Variants in NREP observed in about 807,000 individuals in gnomAD.
The protein encoded by NREP is neuronal regeneration related protein.
Under a neutral mutation model 8.6 loss-of-function variants are expected in NREP, and 5 were observed. The observed-to-expected ratio is 0.58, with a 90% CI of 0.30 to 1.22. The LOEUF (loss-of-function observed/expected upper bound fraction) is 1.22. Among genes scored for constraint, NREP ranks in the 50% most tolerant of loss-of-function variants. The pLI is 0.07. For missense variants in NREP, 86 were observed against 82.5 expected (o/e 1.04, Z -0.17); for synonymous variants, 27 against 28.0 (o/e 0.96, Z 0.11).
At chr5:111,796,119 A>G (rs1464763452) in intron 2 of NREP, among the ~76,000 whole-genome samples, 1 of 152,206 alleles carries the variant, frequency 6.6e-6, no homozygotes, top group African/African-American at 2.4e-5. Flanking sequence ...GCTCTATGGA[A>G]GAGCCTTTTT....
intron 2 of NREP, among the ~76,000 whole-genome samples, chr5:111,763,872 C>T (rs925909456): frequency 6.6e-6 from 1 of 152,088 alleles, no homozygotes; most frequent in African/African-American, 2.4e-5. Context: ...TTGAATTTTA[C>T]AATTATAAAT....
intron 2 of NREP, among the ~76,000 whole-genome samples, chr5:111,769,031 T>C (rs1169908954): frequency 6.6e-6 from 1 of 152,214 alleles, no homozygotes; most frequent in Middle Eastern, 3.2e-3. Flanking sequence ...TCTGTTGTTT[T>C]TTTTGACTTT....
At chr5:111,885,827 T>C (rs556002409) in intron 2 of NREP, among the ~76,000 whole-genome samples, 1 of 152,270 alleles carries the variant, frequency 6.6e-6, no homozygotes, top group South Asian at 2.1e-4. Context: ...TAATTCAAGA[T>C]GAATTAAAGA....
intron 2 of NREP, among the ~76,000 whole-genome samples, chr5:111,797,174 TG>T (rs1485508729): frequency 6.6e-6 from 1 of 152,164 alleles, no homozygotes; most frequent in Non-Finnish European, 1.5e-5. Flanking sequence ...AGATGAAAAC[TG>T]AGATTCATCA....
At chr5:111,875,086 C>T (rs1485495375) in intron 2 of NREP, among the ~76,000 whole-genome samples, 1 of 151,974 alleles carries the variant, frequency 6.6e-6, no homozygotes, top group Non-Finnish European at 1.5e-5. Flanking sequence ...GGAGAAAGAT[C>T]AAAAATGGGG....
intron 2 of NREP, among the ~76,000 whole-genome samples, chr5:111,927,234 T>G (rs1310585572): frequency 6.6e-6 from 1 of 152,138 alleles, no homozygotes; most frequent in East Asian, 1.9e-4. Context: ...ACACAATAGC[T>G]ATTACTATGA....
chr5:111,740,760 C>CA (rs1377892044), intron 2 of NREP, among the ~76,000 whole-genome samples: 6 of 152,062 alleles, frequency 3.9e-5, no homozygotes, highest in African/African-American at 1.4e-4. Context: ...TGGCATGGTC[C>CA]AAATACAGAA....
intron 2 of NREP, among the ~76,000 whole-genome samples, chr5:111,806,364 G>A (rs896002767): frequency 3.3e-5 from 5 of 152,200 alleles, no homozygotes; most frequent in Admixed American, 2.0e-4. Context: ...GAAAACTGGA[G>A]ATTCATGTGG....
chr5:111,889,374 C>T (rs1470303241), intron 2 of NREP, among the ~76,000 whole-genome samples: 1 of 152,216 alleles, frequency 6.6e-6, no homozygotes, highest in African/African-American at 2.4e-5. Context: ...CTAAACCACT[C>T]ATGAGGTATA....
At chr5:111,837,829 GA>G (rs1752931358) in intron 2 of NREP, among the ~76,000 whole-genome samples, 2 of 151,914 alleles carry the variant, frequency 1.3e-5, no homozygotes, top group African/African-American at 4.8e-5. Context: ...TCACAAAGAG[GA>G]AAAACATAAT....
intron 2 of NREP, among the ~76,000 whole-genome samples, chr5:111,915,047 G>C (rs1411019660): frequency 1.3e-5 from 2 of 152,050 alleles, no homozygotes; most frequent in Non-Finnish European, 2.9e-5. Context: ...GAATCCCTTT[G>C]ACTATTTCTG....
intron 2 of NREP, among the ~76,000 whole-genome samples, chr5:111,830,308 C>A (rs754669275): frequency 3.9e-5 from 6 of 152,160 alleles, no homozygotes; most frequent in Non-Finnish European, 8.8e-5. Flanking sequence ...TACAATGACA[C>A]AGAAGGAGCT....
intron 2 of NREP, among the ~76,000 whole-genome samples, chr5:111,777,379 T>G (rs1239621634): frequency 6.6e-6 from 1 of 151,468 alleles, no homozygotes; most frequent in African/African-American, 2.4e-5. Context: ...TGTGTGTGTT[T>G]TAAGTACGTA....
intron 2 of NREP, among the ~76,000 whole-genome samples, chr5:111,925,540 AC>A (rs1274072168): frequency 2.0e-5 from 3 of 152,150 alleles, no homozygotes; most frequent in African/African-American, 7.2e-5. Flanking sequence ...TCTCCAGAAT[AC>A]TGTCTGGTCC....
chr5:111,942,127 A>G lies in NREP; in HGVS notation c.135+33147T>C, dbSNP rs769776621. 8.5e-4 allele frequency among the ~76,000 whole-genome samples: 130 copies of G among 152,068 alleles called. 1 individual carries two copies. The highest frequency in any genetic ancestry group is 1.3e-3 in the Non-Finnish European group (85 of 67,980). ...ACAGTTATATTAACTTAGCTTCACAAAAGTTATTTTCTTATGGTAACCATC... is the reference window on the plus strand; with the variant it reads ...ACAGTTATATTAACTTAGCTTCACAGAAGTTATTTTCTTATGGTAACCATC... On this transcript the variant is annotated intron_variant, in intron 2 of 3. Transcript: ENST00000395634.
intron 2 of NREP, chr5:111,969,677 G>C (rs1756747173): frequency 6.6e-6 from 1 of 152,152 alleles, no homozygotes; most frequent in Admixed American, 6.5e-5. Context: ...TTTCTTTCTA[G>C]CAATGAGAAC....
chr5:111,734,686 T>C, intron 3 of NREP: 2 of 699,082 alleles, frequency 2.9e-6, no homozygotes, highest in Middle Eastern at 4.6e-4. Context: ...TCAATTACAC[T>C]TATGAAACTT....
intron 2 of NREP, among the ~76,000 whole-genome samples, chr5:111,892,823 AT>A (rs1754425952): frequency 6.6e-6 from 1 of 152,188 alleles, no homozygotes; most frequent in South Asian, 2.1e-4. Context: ...TTATGCTTCC[AT>A]AAACCCTACG....
intron 2 of NREP, among the ~76,000 whole-genome samples, chr5:111,827,945 T>C (rs909555398): frequency 5.9e-5 from 9 of 152,032 alleles, no homozygotes; most frequent in Non-Finnish European, 4.4e-5. Flanking sequence ...TTTCCAGAGG[T>C]TCCTTCAGAA....
Sources: allele counts gnomAD v4.1 joint callset (sites outside exome capture counted in the v4.1 genomes callset), GRCh38; gene constraint gnomAD v4.1.1; transcripts MANE v1.5; gene names NCBI Gene and HGNC (gene_info 2026-07-23, HGNC 2026-07-21).